NTM: variants seen among roughly 807,000 people sequenced by gnomAD.
NTM encodes IgLON family member 2.
A neutral mutation model predicts 42.1 loss-of-function variants in NTM; 13 were observed. The ratio of observed to expected loss-of-function variants is 0.31; its 90% CI spans 0.20 to 0.49. The LOEUF (loss-of-function observed/expected upper bound fraction) is 0.49, where lower values mean the gene tolerates loss of function less well. Among genes scored for constraint, NTM ranks in the 20% least tolerant of loss-of-function variants. NTM has a pLI of 0.99. For missense variants in NTM, 373 were observed against 452.8 expected, an observed-to-expected ratio of 0.82 and a Z score of 1.60; for synonymous variants, 187 against 179.2, an observed-to-expected ratio of 1.04 and a Z score of -0.35.
chr11:131,910,692 G>A (rs922486776), intron 1 of NTM: 3 of 301,568 alleles, frequency 9.9e-6, no homozygotes, highest in African/African-American at 6.8e-5. Flanking sequence ...CTCCGGTGCG[G>A]GCTGCGCCGC....
chr11:131,807,825 A>G (rs915262007), intron 1 of NTM, among the ~76,000 whole-genome samples: 17 of 152,222 alleles, frequency 1.1e-4, no homozygotes, highest in Admixed American at 7.2e-4. Context: ...ACATGATCAT[A>G]TATGAAGTTA....
At chr11:132,224,259 A>G (rs938630917) in intron 4 of NTM, among the ~76,000 whole-genome samples, 1 of 152,136 alleles carries the variant, frequency 6.6e-6, no homozygotes, top group Non-Finnish European at 1.5e-5. Context: ...CTGGGTTTCA[A>G]TAAATGAAGG....
intron 2 of NTM, among the ~76,000 whole-genome samples, chr11:132,104,937 GTATATA>G (rs534897526): frequency 0.098 from 6,025 of 61,444 alleles, 1,002 homozygotes; most frequent in Admixed American, 0.15. Flanking sequence ...ATATACATAT[GTATATA>G]TATATATATA....
intron 1 of NTM, among the ~76,000 whole-genome samples, chr11:131,555,873 G>A (rs1281515607): frequency 4.6e-5 from 7 of 152,076 alleles, no homozygotes; most frequent in East Asian, 3.9e-4. Flanking sequence ...CCTAAATGCC[G>A]AGGAGTGATG....
chr11:132,310,082 G>A, intron 5 of NTM, 30 bp from the exon 6 acceptor site: 2 of 1,552,024 alleles, frequency 1.3e-6, no homozygotes, highest in Non-Finnish European at 1.7e-6. Context: ...AAAGGTGGGG[G>A]GGCGGCTATG....
At chr11:131,706,263 G>T (rs1239760097) in intron 1 of NTM, among the ~76,000 whole-genome samples, 2 of 151,830 alleles carry the variant, frequency 1.3e-5, no homozygotes, top group Admixed American at 1.3e-4. Flanking sequence ...AAATGAAAAA[G>T]GGATCAATTC....
At position 132,231,140 on chromosome 11, in the gene NTM, T is replaced by C. The variant is rs527780029; in HGVS notation, c.526+18993T>C. On this transcript the variant is annotated intron_variant, in intron 4 of 8. Coordinates refer to ENST00000683400, the MANE Select transcript of NTM (RefSeq NM_001352005.2). Reference sequence around the variant, plus strand: ...AAATGTGTCTTCTTAATCTTAAAGATGAACATACTGTTTATAGCACAGAGT... The same window carrying C: ...AAATGTGTCTTCTTAATCTTAAAGACGAACATACTGTTTATAGCACAGAGT... 2.0e-5 allele frequency among the ~76,000 whole-genome samples: 3 copies of C among 152,352 alleles called. 1 individual carries two copies. The South Asian group carries it at 6.2e-4, about 32-fold the overall frequency.
chr11:131,596,726 G>C (rs1414516846), intron 1 of NTM, among the ~76,000 whole-genome samples: 1 of 152,234 alleles, frequency 6.6e-6, no homozygotes, highest in South Asian at 2.1e-4. Context: ...AGACATCCCT[G>C]GGGCTGGAAC....
intron 1 of NTM, among the ~76,000 whole-genome samples, chr11:131,511,857 C>T (rs771771512): frequency 6.6e-6 from 1 of 152,170 alleles, no homozygotes; most frequent in Non-Finnish European, 1.5e-5. Context: ...TTTGCAAAGC[C>T]AATCTCTGTG....
At chr11:132,080,281 A>G (rs1363396381) in intron 2 of NTM, among the ~76,000 whole-genome samples, 3 of 152,226 alleles carry the variant, frequency 2.0e-5, no homozygotes, top group East Asian at 1.9e-4. Flanking sequence ...TAATTTGCCA[A>G]GTGACTAAAT....
chr11:131,557,269 G>C (rs1233896200), intron 1 of NTM, among the ~76,000 whole-genome samples: 1 of 152,124 alleles, frequency 6.6e-6, no homozygotes, highest in Non-Finnish European at 1.5e-5. Context: ...TGTGAGTTGG[G>C]TAAGCTGGTC....
At chr11:132,032,422 C>T (rs549673639) in intron 2 of NTM, among the ~76,000 whole-genome samples, 1 of 152,216 alleles carries the variant, frequency 6.6e-6, no homozygotes, top group African/African-American at 2.4e-5. Context: ...ACTTCATTGT[C>T]TCTGACCCTG....
At chr11:131,658,698 G>A (rs1395518904) in intron 1 of NTM, among the ~76,000 whole-genome samples, 4 of 152,290 alleles carry the variant, frequency 2.6e-5, no homozygotes, top group Admixed American at 6.5e-5. Context: ...GGCCGGACGC[G>A]GTGGCTCACG....
chr11:131,697,886 A>C (rs893225379), intron 1 of NTM, among the ~76,000 whole-genome samples: 6 of 152,198 alleles, frequency 3.9e-5, no homozygotes, highest in Non-Finnish European at 8.8e-5. Context: ...TTCAGGAGGA[A>C]AACGTGGGAA....
chr11:132,329,387 G>C (rs570802884), intron 7 of NTM, among the ~76,000 whole-genome samples: 99 of 152,318 alleles, frequency 6.5e-4, no homozygotes, highest in African/African-American at 2.3e-3. Flanking sequence ...GTTGAAGCTG[G>C]TGAAATGGAG....
chr11:132,100,179 A>G (rs563130776), intron 2 of NTM, among the ~76,000 whole-genome samples: 3 of 152,240 alleles, frequency 2.0e-5, no homozygotes, highest in Admixed American at 6.5e-5. Flanking sequence ...AGTTTTCCAA[A>G]TGAAAGCTGT....
chr11:131,419,192 A>G (rs928870942), intron 1 of NTM, among the ~76,000 whole-genome samples: 3 of 152,096 alleles, frequency 2.0e-5, no homozygotes, highest in Admixed American at 2.0e-4. Flanking sequence ...ACAAAAACAG[A>G]CCTGGGCTTC....
At chr11:131,556,280 C>A (rs1389626444) in intron 1 of NTM, among the ~76,000 whole-genome samples, 2 of 152,140 alleles carry the variant, frequency 1.3e-5, no homozygotes, top group South Asian at 2.1e-4. Flanking sequence ...CCCCTTCCCC[C>A]AAACAGAGGG....
intron 1 of NTM, among the ~76,000 whole-genome samples, chr11:131,651,515 C>G (rs898954386): frequency 1.3e-5 from 2 of 152,158 alleles, no homozygotes; most frequent in African/African-American, 4.8e-5. Flanking sequence ...GGGACTAGTG[C>G]ATTTAAATCT....
Sources: allele counts gnomAD v4.1 joint callset (sites outside exome capture counted in the v4.1 genomes callset), GRCh38; gene constraint gnomAD v4.1.1; transcripts MANE v1.5; gene names NCBI Gene and HGNC (gene_info 2026-07-23, HGNC 2026-07-21).